Variants in L3MBTL4 observed in about 807,000 individuals in gnomAD.
L3MBTL4 encodes lethal(3)malignant brain tumor-like protein 4.
Under a neutral mutation model 84.5 loss-of-function variants are expected in L3MBTL4, and 70 were observed. The ratio of observed to expected loss-of-function variants is 0.83; its 90% CI spans 0.68 to 1.01. L3MBTL4 has a LOEUF of 1.01. L3MBTL4 is among the 50% of genes least tolerant of loss of function. The pLI is 0.00. For synonymous variants in L3MBTL4, 274 were observed against 259.8 expected, an observed-to-expected ratio of 1.05 and a Z score of -0.52; for missense variants, 715 against 754.8, an observed-to-expected ratio of 0.95 and a Z score of 0.62.
At chr18:6,405,448 A>T (rs988479164) in intron 1 of L3MBTL4, among the ~76,000 whole-genome samples, 1 of 152,208 alleles carries the variant, frequency 6.6e-6, no homozygotes, top group African/African-American at 2.4e-5. Flanking sequence ...GTGCAGAACA[A>T]TAGTGCCTGT....
rs562184384 is a variant in L3MBTL4 at position 6,145,111 on chromosome 18, C to T, written c.1097-6815G>A. 6.6e-5 allele frequency among the ~76,000 whole-genome samples: 10 copies of T among 152,186 alleles called. No homozygotes were observed. In the East Asian group the frequency reaches 1.9e-3, roughly 29 times the overall value. ...AAGCAATTGTCCTTAAAAGAAAACA[C>T]TCAAGTTGCGTATGTATTTCAGACA... On this transcript the variant is annotated intron_variant, in intron 13 of 18. Transcript: ENST00000317931.
At chr18:6,031,811 G>GTTT (rs11333960) in intron 16 of L3MBTL4, 13 of 910,456 alleles carry the variant, frequency 1.4e-5, no homozygotes, top group Non-Finnish European at 1.7e-5. Flanking sequence ...CAGATTCATG[G>GTTT]TTTTTTTTTT....
At chr18:6,248,826 A>G (rs904642879) in intron 5 of L3MBTL4, among the ~76,000 whole-genome samples, 7 of 152,196 alleles carry the variant, frequency 4.6e-5, no homozygotes, top group Admixed American at 6.6e-5. Context: ...ACCCCAGCTC[A>G]TTCAACCTTC....
At chr18:6,401,591 T>G (rs16950050) in intron 1 of L3MBTL4, among the ~76,000 whole-genome samples, 2,355 of 152,284 alleles carry the variant, frequency 0.015, 56 homozygotes, top group African/African-American at 0.053. Context: ...TGAGGATTAG[T>G]GTATTACAGC....
rs1182281209 is a variant in L3MBTL4 at position 6,186,349 on chromosome 18, G to T, written c.982-14407C>A. 4.0e-5 allele frequency among the ~76,000 whole-genome samples: 6 copies of T among 151,224 alleles called. No homozygotes were observed. The East Asian group carries it at 1.2e-3, about 29-fold the overall frequency. On this transcript the variant is annotated intron_variant, in intron 12 of 18. Coordinates refer to ENST00000317931, the MANE Select transcript of L3MBTL4 (RefSeq NM_001330559.2). Reference sequence around the variant, plus strand: ...GAGCCACCATGCCTGGCCAAAAAGGGCATTTTTAATAACTGTGGTGGCCAT... The same window carrying T: ...GAGCCACCATGCCTGGCCAAAAAGGTCATTTTTAATAACTGTGGTGGCCAT...
chr18:6,215,619 G>C, intron 11 of L3MBTL4, 131 bp downstream of exon 11: 2 of 487,988 alleles, frequency 4.1e-6, no homozygotes, highest in Non-Finnish European at 7.2e-6. Flanking sequence ...TAAAAGAAAA[G>C]CATATTGGTT....
chr18:6,052,544 G>T (rs532098209), intron 16 of L3MBTL4, among the ~76,000 whole-genome samples: 4 of 152,282 alleles, frequency 2.6e-5, no homozygotes, highest in Non-Finnish European at 5.9e-5. Context: ...GCACTTCTAC[G>T]CCTCTTGTGG....
intron 3 of L3MBTL4, among the ~76,000 whole-genome samples, chr18:6,304,021 AAAAAAAAAC>A (rs1249884647): frequency 6.9e-6 from 1 of 143,886 alleles, no homozygotes; most frequent in Non-Finnish European, 1.5e-5. Flanking sequence ...TCTCAAAAAA[AAAAAAAAAC>A]AAAAAAAAAA....
chr18:6,113,623 G>A (rs2144144826), intron 14 of L3MBTL4, among the ~76,000 whole-genome samples: 1 of 152,132 alleles, frequency 6.6e-6, no homozygotes, highest in East Asian at 1.9e-4. Flanking sequence ...GCTTTATTTG[G>A]TAAAAATGGA....
intron 1 of L3MBTL4, among the ~76,000 whole-genome samples, chr18:6,335,455 A>C (rs1480840193): frequency 6.6e-6 from 1 of 152,182 alleles, no homozygotes; most frequent in African/African-American, 2.4e-5. Context: ...TGGGTATTAG[A>C]GTGTCATGAC....
chr18:6,001,095 C>A (rs1413143097), intron 16 of L3MBTL4, among the ~76,000 whole-genome samples: 1 of 152,252 alleles, frequency 6.6e-6, no homozygotes, highest in Non-Finnish European at 1.5e-5. Context: ...CTGGGTGCAA[C>A]TTGCATGTGG....
At chr18:6,130,040 T>A (rs551297153) in intron 14 of L3MBTL4, among the ~76,000 whole-genome samples, 2 of 152,348 alleles carry the variant, frequency 1.3e-5, no homozygotes, top group African/African-American at 4.8e-5. Context: ...CAAAACATGA[T>A]ATTATACTCT....
At chr18:6,253,133 T>C (rs7239509) in intron 5 of L3MBTL4, among the ~76,000 whole-genome samples, 13,232 of 151,776 alleles carry the variant, frequency 0.087, 1,862 homozygotes, top group African/African-American at 0.3. Flanking sequence ...GCCTGGGAGG[T>C]GGAGGTTGCA....
At chr18:6,204,879 G>C (rs185661475) in intron 12 of L3MBTL4, among the ~76,000 whole-genome samples, 35 of 152,342 alleles carry the variant, frequency 2.3e-4, no homozygotes, top group Non-Finnish European at 3.8e-4. Context: ...TCCTGGGATG[G>C]TCTCTTTCTT....
chr18:6,187,779 ACTTTTAATTTTTTTCTATAATT>A (rs1428029518), intron 12 of L3MBTL4, among the ~76,000 whole-genome samples: 1 of 151,904 alleles, frequency 6.6e-6, no homozygotes, highest in Non-Finnish European at 1.5e-5. Flanking sequence ...GTTTGTTCAT[ACTTTTAATTTTTTTCTATAATT>A]CAATGTCAGA....
intron 16 of L3MBTL4, among the ~76,000 whole-genome samples, chr18:6,048,173 T>C (rs1488755493): frequency 1.3e-5 from 2 of 151,892 alleles, no homozygotes; most frequent in Admixed American, 1.3e-4. Context: ...TAGCTAGGAG[T>C]ACCTAGGAGG....
intron 16 of L3MBTL4, among the ~76,000 whole-genome samples, chr18:6,078,711 G>T (rs558053641): frequency 6.6e-6 from 1 of 152,124 alleles, no homozygotes; most frequent in South Asian, 2.1e-4. Context: ...CCACAGACCA[G>T]GGGTGGGGGG....
At chr18:6,045,270 G>GT (rs1418687220) in intron 16 of L3MBTL4, among the ~76,000 whole-genome samples, 5 of 152,106 alleles carry the variant, frequency 3.3e-5, no homozygotes, top group South Asian at 2.1e-4. Flanking sequence ...CAAGAATTTC[G>GT]TATCTCACCA....
At chr18:6,402,672 A>C (rs12969887) in intron 1 of L3MBTL4, among the ~76,000 whole-genome samples, 63,394 of 151,950 alleles carry the variant, frequency 0.42, 13,685 homozygotes, top group East Asian at 0.59. Flanking sequence ...GACTGTGACT[A>C]ATTTAGACTA....
Sources: allele counts gnomAD v4.1 joint callset (sites outside exome capture counted in the v4.1 genomes callset), GRCh38; gene constraint gnomAD v4.1.1; transcripts MANE v1.5; gene names NCBI Gene and HGNC (gene_info 2026-07-23, HGNC 2026-07-21).